Variants in SCLT1 observed in about 807,000 individuals in gnomAD.
SCLT1 encodes the protein sodium channel-associated protein 1.
In SCLT1, 78 loss-of-function variants were observed where a neutral mutation model predicts 112.8. That is an observed-to-expected ratio of 0.69 (90% CI 0.58 to 0.83). The LOEUF (loss-of-function observed/expected upper bound fraction) is 0.83. SCLT1 is among the 40% of genes least tolerant of loss of function. SCLT1 has a pLI of 0.00. For missense variants in SCLT1, 747 were observed against 770.4 expected, an observed-to-expected ratio of 0.97 and a Z score of 0.36; for synonymous variants, 257 against 254.7, an observed-to-expected ratio of 1.01 and a Z score of -0.09.
chr4:129,022,343 T>C (rs1579733017), intron 5 of SCLT1, among the ~76,000 whole-genome samples: 1 of 152,026 alleles, frequency 6.6e-6, no homozygotes, highest in South Asian at 2.1e-4. Flanking sequence ...ATAAAAAAAC[T>C]CCTCTGCGTT....
chr4:128,875,549 T>TAGCACATGACATG (rs1341206428), intron 4 of SCLT1, among the ~76,000 whole-genome samples: 3 of 152,236 alleles, frequency 2.0e-5, no homozygotes, highest in Non-Finnish European at 4.4e-5. Context: ...AACTATAGTT[T>TAGCACATGACATG]ACCAGGCACA....
chr4:129,089,630 T>C (rs1338804286), intron 1 of SCLT1, among the ~76,000 whole-genome samples: 3 of 152,182 alleles, frequency 2.0e-5, no homozygotes, highest in African/African-American at 4.8e-5. Context: ...CCATCAATGA[T>C]AGACTGGATA....
At chr4:128,883,645 T>C (rs971536015), downstream of SCLT1, among the ~76,000 whole-genome samples, 3 of 152,238 alleles carry the variant, frequency 2.0e-5, no homozygotes, top group Non-Finnish European at 4.4e-5. Flanking sequence ...TACACGTGAA[T>C]GTTTTCATGT....
At chr4:128,890,943 T>A (rs892138447) in intron 19 of SCLT1, 116 bp downstream of exon 19, 1 of 681,518 alleles carries the variant, frequency 1.5e-6, no homozygotes, top group Non-Finnish European at 2.6e-6. Context: ...TTATGGATGA[T>A]TTCTGTATTG....
chr4:128,963,764 T>C (rs1478732425), intron 11 of SCLT1, among the ~76,000 whole-genome samples: 3 of 152,354 alleles, frequency 2.0e-5, no homozygotes, highest in Middle Eastern at 3.4e-3. Flanking sequence ...TCAAGGACCA[T>C]ACTTGTTTTC....
intron 5 of SCLT1, among the ~76,000 whole-genome samples, chr4:129,008,121 T>C (rs562809146): frequency 5.3e-5 from 8 of 152,318 alleles, no homozygotes; most frequent in Admixed American, 2.0e-4. Flanking sequence ...TAAAAGTTTA[T>C]ACTCGTTAGA....
Position 129,003,851 on chromosome 4 carries a change from C to T in SCLT1, c.316G>A (p.Val106Ile). The T allele has an allele frequency of 6.2e-7, 1 of 1,611,886 alleles. No homozygotes were observed. Among genetic ancestry groups the T allele is most frequent in the Non-Finnish European group, 8.5e-7 (1 of 1,178,894 alleles). The change falls in exon 6 of 21, where the codon GTT (valine) becomes ATT (isoleucine). Residue 106 changes from valine (V) to isoleucine (I), a missense_variant. Physicochemically the swap from Val to Ile is conservative, Grantham distance 29. Coordinates refer to ENST00000281142, the MANE Select transcript of SCLT1 (RefSeq NM_144643.4). ...GGAAAGGCCTCCAATTTTTTTTCAA[C>T]AGCATCTTTTAATTCACTGTGCAAC... Reference protein sequence around the residue: ...ERLHSELKDAVEKKLEAFPLG... With the variant: ...ERLHSELKDAIEKKLEAFPLG...
At chr4:129,083,752 C>A (rs1181375437) in intron 1 of SCLT1, among the ~76,000 whole-genome samples, 1 of 151,934 alleles carries the variant, frequency 6.6e-6, no homozygotes, top group Non-Finnish European at 1.5e-5. Context: ...AATGTGATAC[C>A]TCCAAACTTG....
intron 18 of SCLT1, among the ~76,000 whole-genome samples, chr4:128,932,408 T>C (rs1736849724): frequency 6.6e-6 from 1 of 152,154 alleles, no homozygotes; most frequent in African/African-American, 2.4e-5. Flanking sequence ...GTTTTTGAGA[T>C]CATTCTTTGA....
chr4:129,000,834 C>A (rs1579649652), intron 6 of SCLT1, among the ~76,000 whole-genome samples: 1 of 151,828 alleles, frequency 6.6e-6, no homozygotes, highest in African/African-American at 2.4e-5. Context: ...AAGAACATTA[C>A]CATCACCTAG....
chr4:129,052,895 T>A (rs1163835985), intron 2 of SCLT1, among the ~76,000 whole-genome samples: 2 of 152,224 alleles, frequency 1.3e-5, no homozygotes, highest in African/African-American at 4.8e-5. Context: ...TACACACTGT[T>A]TAAATATGTC....
At chr4:129,068,438 G>A (rs1011351969) in intron 2 of SCLT1, among the ~76,000 whole-genome samples, 2 of 152,102 alleles carry the variant, frequency 1.3e-5, no homozygotes, top group Non-Finnish European at 2.9e-5. Flanking sequence ...GTGGTATCAC[G>A]TTGTGGTTTT....
chr4:128,876,138 A>C (rs921357149), intron 4 of SCLT1, among the ~76,000 whole-genome samples: 4 of 152,152 alleles, frequency 2.6e-5, no homozygotes, highest in African/African-American at 9.6e-5. Flanking sequence ...ATGCATTCTC[A>C]TGTAGATTAT....
intron 18 of SCLT1, among the ~76,000 whole-genome samples, chr4:128,900,213 C>T (rs1022533397): frequency 1.3e-5 from 2 of 152,226 alleles, no homozygotes; most frequent in Admixed American, 1.3e-4. Context: ...GAGCCTGCAT[C>T]GCCAAGTCAA....
At chr4:128,963,429 T>G (rs2126020489) in intron 11 of SCLT1, among the ~76,000 whole-genome samples, 1 of 152,276 alleles carries the variant, frequency 6.6e-6, no homozygotes, top group African/African-American at 2.4e-5. Flanking sequence ...CCTAAAACAC[T>G]GGCTGGTACA....
intron 8 of SCLT1, among the ~76,000 whole-genome samples, chr4:128,995,015 C>T (rs1579630490): frequency 6.6e-6 from 1 of 152,086 alleles, no homozygotes; most frequent in East Asian, 1.9e-4. Context: ...TGTGCAAAAA[C>T]TTTTTGGTTT....
rs193049593 is a variant in SCLT1 at position 129,083,220 on chromosome 4, A to G, written c.35-847T>C. Among the ~76,000 whole-genome samples the G allele has an allele frequency of 4.2e-3, 638 of 151,334 alleles. 2 individuals are homozygous for G. The highest frequency in any genetic ancestry group is 7.0e-3 in the Non-Finnish European group (477 of 67,808). ...AAAAAAAAAGAATAAGAAGAAAAGA[A>G]AAAGAAAAAAAAGAAATAACAAGAC... On this transcript the variant is annotated intron_variant, in intron 1 of 20. Transcript: ENST00000281142.
chr4:128,933,559 T>C (rs935219998), intron 18 of SCLT1, among the ~76,000 whole-genome samples: 1 of 152,108 alleles, frequency 6.6e-6, no homozygotes, highest in Non-Finnish European at 1.5e-5. Context: ...TCTTGTACTC[T>C]CCTGTCCCAA....
chr4:128,938,793 C>G (rs1013376342), intron 17 of SCLT1, among the ~76,000 whole-genome samples: 9 of 152,034 alleles, frequency 5.9e-5, no homozygotes, highest in Admixed American at 1.3e-4. Flanking sequence ...ACCAGCCTGG[C>G]CAACATGGTG....
Sources: allele counts gnomAD v4.1 joint callset (sites outside exome capture counted in the v4.1 genomes callset), GRCh38; gene constraint gnomAD v4.1.1; transcripts MANE v1.5; gene names NCBI Gene and HGNC (gene_info 2026-07-23, HGNC 2026-07-21).